Variants in KCNQ5 observed in about 807,000 individuals in gnomAD.
The protein encoded by KCNQ5 is potassium voltage-gated channel subfamily KQT member 5.
In KCNQ5, 30 loss-of-function variants were observed where a neutral mutation model predicts 98.2. That is an observed-to-expected ratio of 0.31 (90% confidence interval 0.23 to 0.41). The LOEUF is 0.41. Among genes scored for constraint, KCNQ5 ranks in the 10% least tolerant of loss-of-function variants. The probability of loss-of-function intolerance (pLI) is 1.00; values close to 1 mark genes in which losing one functional copy is unlikely to be tolerated. For missense variants in KCNQ5, 835 were observed against 1,182.5 expected, an observed-to-expected ratio of 0.71 and a Z score of 4.31; for synonymous variants, 458 against 449.4, an observed-to-expected ratio of 1.02 and a Z score of -0.24.
Position 73,194,847 on chromosome 6 carries a change from C to T in KCNQ5, c.2232C>T (p.Ala744=), listed in dbSNP as rs1765725280. ...NQINTAPKPA[A]PTTLQIPPPL... ...TAAATACGGCACCCAAGCCAGCAGC[C>T]CCAACAACTTTACAGATCCCACCTC... The change falls in exon 14 of 14, where the codon GCC becomes GCT. Residue 744 remains alanine (A), a synonymous_variant. Transcript: ENST00000370398. The T allele has an allele frequency of 6.2e-7, 1 of 1,614,188 alleles. No individual in the cohort carries two copies.
chr6:72,881,432 T>A (rs1778630819), intron 1 of KCNQ5, among the ~76,000 whole-genome samples: 1 of 152,232 alleles, frequency 6.6e-6, no homozygotes, highest in Non-Finnish European at 1.5e-5. Flanking sequence ...TGGAGTTTTT[T>A]AAAACAGATA....
intron 2 of KCNQ5, among the ~76,000 whole-genome samples, chr6:73,024,603 A>G (rs1770790169): frequency 6.6e-6 from 1 of 152,204 alleles, no homozygotes; most frequent in African/African-American, 2.4e-5. Flanking sequence ...TCTTCACATA[A>G]TTTGACTCTA....
intron 1 of KCNQ5, among the ~76,000 whole-genome samples, chr6:72,779,455 A>C (rs1312165085): frequency 3.9e-5 from 6 of 152,198 alleles, no homozygotes; most frequent in Non-Finnish European, 8.8e-5. Context: ...GAAAGAGTTC[A>C]TACTTGACTG....
At chr6:72,804,638 A>G (rs1303521702) in intron 1 of KCNQ5, among the ~76,000 whole-genome samples, 1 of 152,154 alleles carries the variant, frequency 6.6e-6, no homozygotes, top group Non-Finnish European at 1.5e-5. Context: ...GAGTGCAGAT[A>G]TCTCTTCAGT....
chr6:73,033,007 G>A (rs1010211009), intron 2 of KCNQ5, among the ~76,000 whole-genome samples: 1 of 152,126 alleles, frequency 6.6e-6, no homozygotes, highest in Non-Finnish European at 1.5e-5. Context: ...CTGGGTGGCT[G>A]CTCATACTAG....
At chr6:72,940,130 T>G (rs1766151786) in intron 1 of KCNQ5, among the ~76,000 whole-genome samples, 1 of 152,218 alleles carries the variant, frequency 6.6e-6, no homozygotes, top group South Asian at 2.1e-4. Context: ...TTGAACATTC[T>G]TTGATGTTCT....
chr6:73,180,074 A>G (rs12662682), intron 11 of KCNQ5, among the ~76,000 whole-genome samples: 7,325 of 152,312 alleles, frequency 0.048, 201 homozygotes, highest in East Asian at 0.1. Context: ...AGGCAGCCAC[A>G]TGGAGCTTAT....
chr6:73,088,079 T>A (rs1324282007), intron 5 of KCNQ5, among the ~76,000 whole-genome samples: 1 of 144,744 alleles, frequency 6.9e-6, no homozygotes, highest in Non-Finnish European at 1.5e-5. Context: ...TGGAGTGCAA[T>A]GGTGTGATCT....
intron 1 of KCNQ5, among the ~76,000 whole-genome samples, chr6:72,862,388 T>G (rs1777802990): frequency 6.6e-6 from 1 of 152,232 alleles, no homozygotes; most frequent in South Asian, 2.1e-4. Flanking sequence ...GGAGGGGCAC[T>G]AGCAAATAAC....
intron 1 of KCNQ5, chr6:72,630,426 C>T (rs892945191): frequency 2.0e-5 from 3 of 152,192 alleles, no homozygotes; most frequent in African/African-American, 7.2e-5. Flanking sequence ...TCTTTTTGAA[C>T]AGTCAATTTA....
intron 1 of KCNQ5, among the ~76,000 whole-genome samples, chr6:72,767,829 A>G (rs1316754743): frequency 6.6e-6 from 1 of 152,048 alleles, no homozygotes; most frequent in African/African-American, 2.4e-5. Context: ...AAAAAGGCAG[A>G]TAATGATATG....
intron 1 of KCNQ5, among the ~76,000 whole-genome samples, chr6:72,642,248 T>G (rs984888190): frequency 6.6e-6 from 1 of 151,788 alleles, no homozygotes; most frequent in Non-Finnish European, 1.5e-5. Flanking sequence ...CCTTTGCCCA[T>G]TAAACATTTT....
At chr6:73,040,682 T>G (rs1377477019) in intron 2 of KCNQ5, among the ~76,000 whole-genome samples, 1 of 152,192 alleles carries the variant, frequency 6.6e-6, no homozygotes, top group East Asian at 1.9e-4. Flanking sequence ...GGTATTTATT[T>G]CCCATCATGA....
At chr6:72,984,320 G>T (rs149656869) in intron 1 of KCNQ5, among the ~76,000 whole-genome samples, 1 of 152,188 alleles carries the variant, frequency 6.6e-6, no homozygotes, top group Non-Finnish European at 1.5e-5. Flanking sequence ...CCCAGAGGTG[G>T]AGTCTACAAA....
chr6:73,132,676 C>A (rs939243338), intron 9 of KCNQ5, among the ~76,000 whole-genome samples: 1 of 152,198 alleles, frequency 6.6e-6, no homozygotes, highest in African/African-American at 2.4e-5. Flanking sequence ...AATGCCTGAA[C>A]AAATATAATT....
chr6:73,055,488 G>C, intron 3 of KCNQ5: 1 of 1,550,756 alleles, frequency 6.4e-7, no homozygotes, highest in South Asian at 1.1e-5. Flanking sequence ...CCTTTCTACA[G>C]CAACATCAGT....
At chr6:73,139,894 T>C (rs1458484873) in intron 10 of KCNQ5, among the ~76,000 whole-genome samples, 1 of 152,146 alleles carries the variant, frequency 6.6e-6, no homozygotes, top group African/African-American at 2.4e-5. Context: ...CTGAAGTTAA[T>C]AACTAACCCA....
At chr6:73,113,344 T>G (rs1004653108) in intron 7 of KCNQ5, among the ~76,000 whole-genome samples, 3 of 152,228 alleles carry the variant, frequency 2.0e-5, no homozygotes, top group African/African-American at 7.2e-5. Flanking sequence ...AATAATACAT[T>G]TTACACAATA....
chr6:72,932,714 G>A (rs1247831517), intron 1 of KCNQ5, among the ~76,000 whole-genome samples: 1 of 151,956 alleles, frequency 6.6e-6, no homozygotes, highest in Non-Finnish European at 1.5e-5. Context: ...ATTTTTGGAC[G>A]CCTTGTCCTA....
Sources: gnomAD v4.1 joint callset for allele counts (sites outside exome capture counted in the v4.1 genomes callset) on GRCh38, gnomAD v4.1.1 for gene constraint, MANE v1.5 for transcripts, NCBI Gene and HGNC (gene_info 2026-07-23, HGNC 2026-07-21) for gene names.